Variants in DOCK2 observed in about 807,000 individuals in gnomAD.
DOCK2 encodes the protein dedicator of cytokinesis 2.
A neutral mutation model predicts 248.9 loss-of-function variants in DOCK2; 87 were observed. The ratio of observed to expected loss-of-function variants is 0.35; its 90% CI spans 0.29 to 0.42. DOCK2 has a LOEUF of 0.42. Ranked by LOEUF, DOCK2 falls within the 10% of genes least tolerant of loss-of-function variation. The pLI is 1.00. For synonymous variants in DOCK2, 805 were observed against 821.6 expected (o/e 0.98, Z 0.35); for missense variants, 1,747 against 2,300.2 (o/e 0.76, Z 4.92).
intron 22 of DOCK2, among the ~76,000 whole-genome samples, chr5:169,726,728 T>G (rs1233899866): frequency 2.0e-5 from 3 of 152,150 alleles, no homozygotes; most frequent in Non-Finnish European, 1.5e-5. Flanking sequence ...GGCAATGTAG[T>G]GGACAAGATA....
intron 22 of DOCK2, among the ~76,000 whole-genome samples, chr5:169,738,864 G>T (rs759552733): frequency 6.6e-6 from 1 of 152,158 alleles, no homozygotes; most frequent in African/African-American, 2.4e-5. Context: ...ACTCAGTCCT[G>T]TGACCGATAC....
intron 27 of DOCK2, among the ~76,000 whole-genome samples, chr5:169,960,234 G>A (rs1197361408): frequency 2.0e-5 from 3 of 152,216 alleles, no homozygotes; most frequent in East Asian, 1.9e-4. Context: ...AGAAAGCTGT[G>A]TATGCCTTCC....
intron 41 of DOCK2, 89 bp from the exon 42 acceptor site, chr5:170,055,216 C>A: frequency 7.6e-7 from 1 of 1,311,356 alleles, no homozygotes; most frequent in Non-Finnish European, 1.1e-6. Flanking sequence ...CCCATAAAGG[C>A]TGGCCTGGAA....
intron 27 of DOCK2, among the ~76,000 whole-genome samples, chr5:169,858,715 G>C (rs529727242): frequency 1.3e-5 from 2 of 152,316 alleles, no homozygotes; most frequent in South Asian, 2.1e-4. Context: ...TGAGAAGTGA[G>C]AGAGGGGCTG....
At chr5:170,006,013 T>C (rs1161770902) in intron 30 of DOCK2, among the ~76,000 whole-genome samples, 1 of 152,252 alleles carries the variant, frequency 6.6e-6, no homozygotes, top group Non-Finnish European at 1.5e-5. Context: ...TTCCATGTCC[T>C]GTGGCCACAG....
intron 13 of DOCK2, 61 bp from the exon 14 acceptor site, chr5:169,702,242 A>T (rs1581060703): frequency 6.3e-7 from 1 of 1,584,474 alleles, no homozygotes; most frequent in Admixed American, 1.7e-5. Flanking sequence ...CCCTCTAGTT[A>T]GTCAGCGTCT....
intron 27 of DOCK2, among the ~76,000 whole-genome samples, chr5:169,938,835 T>C (rs925080416): frequency 6.6e-6 from 1 of 152,226 alleles, no homozygotes; most frequent in Non-Finnish European, 1.5e-5. Context: ...ACACAAATAT[T>C]GTATAACTGT....
At chr5:169,657,866 CT>C (rs1758210072) in intron 2 of DOCK2, among the ~76,000 whole-genome samples, 1 of 152,232 alleles carries the variant, frequency 6.6e-6, no homozygotes, top group Non-Finnish European at 1.5e-5. Context: ...CCAGATGCCC[CT>C]GACATCATGA....
intron 27 of DOCK2, among the ~76,000 whole-genome samples, chr5:169,931,774 C>A (rs1775767201): frequency 6.6e-6 from 1 of 151,996 alleles, no homozygotes; most frequent in African/African-American, 2.4e-5. Flanking sequence ...GAAGCACAGC[C>A]AAGTGGCCCA....
rs10636919 is a variant in DOCK2 at position 169,764,844 on chromosome 5, T to TTTGTTGTTGTTGTTGTTGTTG, written c.2554+3228_2554+3248dup. ...GCTCTCCATTCTGACTTTGAACGTG[T>TTTGTTGTTGTTGTTGTTGTTG]TTGTTGTTGTTGTTGTTGTTGTTGT... is the stretch of plus-strand genomic sequence containing the variant. On this transcript the variant is annotated intron_variant, in intron 25 of 51. Coordinates refer to ENST00000520908, the MANE Select transcript of DOCK2 (RefSeq NM_004946.3). This position sits in a 1 kb window ranked among gnomAD's most constrained non-coding sequence, Gnocchi z 4.3. Among the ~76,000 whole-genome samples the TTTGTTGTTGTTGTTGTTGTTG allele has an allele frequency of 3.5e-3, 522 of 151,060 alleles. 5 individuals carry two copies. Among genetic ancestry groups the TTTGTTGTTGTTGTTGTTGTTG allele is most frequent in the African/African-American group, 0.012 (487 of 40,942 alleles).
intron 1 of DOCK2, among the ~76,000 whole-genome samples, chr5:169,644,572 G>A (rs916163116): frequency 4.6e-5 from 7 of 151,880 alleles, no homozygotes; most frequent in Non-Finnish European, 1.0e-4. Flanking sequence ...AGTAGTCATC[G>A]ACATTGGCAT....
chr5:169,716,155 G>A, intron 19 of DOCK2, 58 bp from the exon 20 acceptor site: 1 of 1,472,748 alleles, frequency 6.8e-7, no homozygotes, highest in Non-Finnish European at 9.5e-7. Context: ...TGGGATTGCT[G>A]GTTCACCTGT....
chr5:169,921,075 A>C (rs1217921477), intron 27 of DOCK2, among the ~76,000 whole-genome samples: 1 of 152,194 alleles, frequency 6.6e-6, no homozygotes, highest in African/African-American at 2.4e-5. Context: ...TCTTTTAAAG[A>C]GTCTCAATCC....
At chr5:170,033,479 T>C (rs2113836355) in intron 34 of DOCK2, among the ~76,000 whole-genome samples, 1 of 152,348 alleles carries the variant, frequency 6.6e-6, no homozygotes, top group South Asian at 2.1e-4. Context: ...ACGAGTTTGG[T>C]GTCTATCCTT....
chr5:169,673,703 T>C (rs915977943), intron 5 of DOCK2, among the ~76,000 whole-genome samples: 2 of 152,154 alleles, frequency 1.3e-5, no homozygotes, highest in African/African-American at 4.8e-5. Flanking sequence ...TTCTCTCTGT[T>C]TGTTAAAAAA....
At position 170,008,583 on chromosome 5, in the gene DOCK2, C is replaced by T; in HGVS notation, c.3159C>T (p.Asn1053=). 6.2e-7 allele frequency: 1 copy of T among 1,614,116 alleles called. No individual in the cohort carries two copies. The highest frequency in any genetic ancestry group is 8.5e-7 in the Non-Finnish European group (1 of 1,179,980). Residue 1053 remains asparagine (N), a synonymous_variant, in exon 31 of 52, where the codon AAC becomes AAT. Coordinates refer to ENST00000520908, the MANE Select transcript of DOCK2 (RefSeq NM_004946.3). ...AGCAGTTCTCACACGCCAAATACAA[C>T]AAAATCCTGAATAAGTAGGTTGCAT... is the stretch of plus-strand genomic sequence containing the variant. ...QLEQFSHAKY[N]KILNKYGDMR...
At chr5:169,832,663 T>TG (rs1383024421) in intron 26 of DOCK2, among the ~76,000 whole-genome samples, 1 of 152,094 alleles carries the variant, frequency 6.6e-6, no homozygotes, top group African/African-American at 2.4e-5. Context: ...AGAGAGAGGG[T>TG]GACTGTACTG....
intron 26 of DOCK2, among the ~76,000 whole-genome samples, chr5:169,809,638 G>C (rs1386957423): frequency 4.6e-5 from 7 of 152,154 alleles, no homozygotes; most frequent in African/African-American, 1.7e-4. Flanking sequence ...GAGCTTCCCT[G>C]AGCCACAGGT....
chr5:170,042,976 A>G (rs1384028864), intron 38 of DOCK2, among the ~76,000 whole-genome samples: 1 of 152,204 alleles, frequency 6.6e-6, no homozygotes, highest in Non-Finnish European at 1.5e-5. Flanking sequence ...GCATTCATAA[A>G]TGAATGAACT....
Sources: gnomAD v4.1 joint callset for allele counts (sites outside exome capture counted in the v4.1 genomes callset) on GRCh38, gnomAD v4.1.1 for gene constraint, Gnocchi (gnomAD v3.1) non-coding constraint, MANE v1.5 for transcripts, NCBI Gene and HGNC (gene_info 2026-07-23, HGNC 2026-07-21) for gene names.